The following RHOBTB1 variants were observed in gnomAD, a reference collection of about 807,000 sequenced individuals.
RHOBTB1 encodes rho-related BTB domain-containing protein 1.
Under a neutral mutation model 71.6 loss-of-function variants are expected in RHOBTB1, and 40 were observed. That is an observed-to-expected ratio of 0.56 (90% CI 0.43 to 0.73). The LOEUF (loss-of-function observed/expected upper bound fraction) is 0.73. RHOBTB1 is among the 30% of genes least tolerant of loss of function. The pLI, the probability that RHOBTB1 is intolerant of heterozygous loss-of-function variation, is 0.00. For synonymous variants in RHOBTB1, 319 were observed against 334.9 expected (o/e 0.95, Z 0.52); for missense variants, 797 against 894.0 (o/e 0.89, Z 1.38).
In RHOBTB1 at chr10:60,874,977, G is replaced by T. The variant is rs1178347293; in HGVS notation, c.1792C>A (p.Leu598Ile). The T allele has an allele frequency of 1.9e-6, 3 of 1,613,890 alleles. No homozygotes were observed. Among genetic ancestry groups the T allele is most frequent in the Non-Finnish European group, 2.5e-6 (3 of 1,179,750 alleles). ...ACCTGAGCCAATTCCAAGTAAGAGA[G>T]CACTTCTCCGTCAATGCCCACGCCA... ...TSGVGIDGEV[L>I]SYLELAQFHN... The change falls in exon 9 of 11, where the codon CTC becomes ATC. Residue 598 changes from leucine (L) to isoleucine (I), a missense_variant. This residue lies in a region of RHOBTB1 where 658 missense variants were observed against 681.5 expected (regional missense o/e 0.97). Transcript: ENST00000337910.
intron 2 of RHOBTB1, among the ~76,000 whole-genome samples, chr10:60,959,145 T>C (rs1415750314): frequency 4.6e-5 from 7 of 152,012 alleles, no homozygotes; most frequent in Non-Finnish European, 8.8e-5. Flanking sequence ...AAGCAACTGG[T>C]AAAATGTAAC....
intron 2 of RHOBTB1, among the ~76,000 whole-genome samples, chr10:60,952,086 T>C (rs1261050821): frequency 8.0e-6 from 1 of 125,588 alleles, no homozygotes; most frequent in African/African-American, 3.1e-5. Flanking sequence ...AAAAGAACGG[T>C]ACATGATAAA....
intron 2 of RHOBTB1, among the ~76,000 whole-genome samples, chr10:60,955,043 C>CTT (rs34012455): frequency 1.3e-4 from 15 of 112,838 alleles, no homozygotes; most frequent in African/African-American, 2.3e-4. Flanking sequence ...TTCTTTCTTT[C>CTT]TTTTTTTTTT....
chr10:60,997,792 G>A (rs1234345414), intron 1 of RHOBTB1, among the ~76,000 whole-genome samples: 1 of 152,202 alleles, frequency 6.6e-6, no homozygotes, highest in Non-Finnish European at 1.5e-5. Context: ...TTCTAATGCT[G>A]CTACTCAGGA....
intron 1 of RHOBTB1, among the ~76,000 whole-genome samples, chr10:60,995,363 T>TC (rs1168046725): frequency 6.6e-6 from 1 of 152,048 alleles, no homozygotes; most frequent in Non-Finnish European, 1.5e-5. Context: ...GGAGGAACCA[T>TC]CAGAGATTGG....
intron 4 of RHOBTB1, among the ~76,000 whole-genome samples, chr10:60,896,869 G>C (rs886656872): frequency 6.6e-5 from 10 of 152,152 alleles, no homozygotes; most frequent in African/African-American, 4.8e-5. Context: ...GTTTCATAGA[G>C]GAGTGGGAGT....
intron 2 of RHOBTB1, among the ~76,000 whole-genome samples, chr10:60,977,901 GA>G (rs1486172176): frequency 6.6e-6 from 1 of 152,074 alleles, no homozygotes; most frequent in Non-Finnish European, 1.5e-5. Context: ...TCTGCATGAT[GA>G]AGTTCATGTA....
chr10:60,996,925 G>A (rs778766939), intron 1 of RHOBTB1, among the ~76,000 whole-genome samples: 15 of 152,052 alleles, frequency 9.9e-5, no homozygotes, highest in Non-Finnish European at 1.6e-4. Flanking sequence ...GAGAACAAGG[G>A]ACTTCACTAT....
intron 2 of RHOBTB1, among the ~76,000 whole-genome samples, chr10:60,963,606 C>T (rs537824065): frequency 1.3e-5 from 2 of 152,176 alleles, no homozygotes; most frequent in East Asian, 3.9e-4. Context: ...AACATGAGGT[C>T]ATGTGTTCCA....
chr10:60,888,456 A>G lies in RHOBTB1; in HGVS notation c.1212T>C (p.Ala404=). 6.2e-7 allele frequency: 1 copy of G among 1,614,218 alleles called. No individual in the cohort carries two copies. The highest frequency in any genetic ancestry group is 8.5e-7 in the Non-Finnish European group (1 of 1,180,038). ...TCCGAAAAGGGCCTGGCTGGACTGA[A>G]GCGTCCATCCTGACCACAGTCATGG... ...MGPMTVVRMD[A]SVQPGPFRTL... Residue 404 remains alanine, a synonymous_variant, in exon 6 of 11, where the codon GCT becomes GCC. Coordinates refer to ENST00000337910, the MANE Select transcript of RHOBTB1 (RefSeq NM_014836.5).
chr10:60,968,653 C>T (rs2086053239), intron 2 of RHOBTB1, among the ~76,000 whole-genome samples: 1 of 152,092 alleles, frequency 6.6e-6, no homozygotes, highest in East Asian at 1.9e-4. Context: ...TTTCTCAAAA[C>T]CTACATATAA....
chr10:60,881,882 A>G (rs1463743566), intron 7 of RHOBTB1, among the ~76,000 whole-genome samples: 3 of 152,158 alleles, frequency 2.0e-5, no homozygotes, highest in Non-Finnish European at 4.4e-5. Context: ...GTAATCACCT[A>G]TGACCTGCTA....
Position 60,905,503 on chromosome 10 carries a change from T to TGAGGG in RHOBTB1, c.296+5383_296+5384insCCCTC, listed in dbSNP as rs562435726. Among the ~76,000 whole-genome samples, 374 of 138,284 alleles carry TGAGGG rather than the reference T, an allele frequency of 2.7e-3. 2 individuals are homozygous for TGAGGG. The highest frequency in any genetic ancestry group is 9.7e-3 in the African/African-American group (355 of 36,666). 90.7% of individuals were successfully genotyped at this position (138,284 alleles called of 152,430 possible). On this transcript the variant is annotated intron_variant, in intron 4 of 10. Transcript: ENST00000337910. ...CAAATTAAGGCAAAAAAATCCATGG[T>TGAGGG]GGACAAAGTATCAAAATTTTAAATA... is the stretch of plus-strand genomic sequence containing the variant.
rs553131850 is a variant in RHOBTB1, at chr10:60,982,355, A to G, written c.-62+3490T>C. On this transcript the variant is annotated intron_variant, in intron 2 of 11. Transcript: ENST00000357917. ...TACGGATACCATTTAGGTGATGTGGAGTTCCTTCTCAAATGACAACAGTAA... is the reference window on the plus strand; with the variant it reads ...TACGGATACCATTTAGGTGATGTGGGGTTCCTTCTCAAATGACAACAGTAA... 2.6e-5 allele frequency among the ~76,000 whole-genome samples: 4 copies of G among 152,188 alleles called. No homozygotes were observed. In the East Asian group the frequency reaches 7.7e-4, roughly 29 times the overall value.
Position 60,888,979 on chromosome 10 carries a change from T to C in RHOBTB1, c.689A>G (p.Gln230Arg). 1 of 1,614,168 alleles carries C rather than the reference T, an allele frequency of 6.2e-7. No individual in the cohort carries two copies. Among genetic ancestry groups the C allele is most frequent in the Non-Finnish European group, 8.5e-7 (1 of 1,180,028 alleles). The change falls in exon 6 of 11, where the codon CAG (glutamine) becomes CGG (arginine). Residue 230 changes from glutamine to arginine, a missense_variant. Physicochemically the swap from Gln to Arg is conservative, Grantham distance 43. Coordinates refer to ENST00000337910, the MANE Select transcript of RHOBTB1 (RefSeq NM_014836.5). ...HLKKVQKPLL[Q>R]APFLPPKAPP... Reference sequence around the variant, plus strand: ...GGCTTTTGGAGGTAGGAAGGGTGCCTGAAGTAAAGGTTTCTGGACTTTCTT... The same window carrying C: ...GGCTTTTGGAGGTAGGAAGGGTGCCCGAAGTAAAGGTTTCTGGACTTTCTT...
At chr10:60,932,941 C>T (rs79238095) in intron 2 of RHOBTB1, among the ~76,000 whole-genome samples, 6,928 of 152,274 alleles carry the variant, frequency 0.045, 268 homozygotes, top group African/African-American at 0.099. Context: ...GAAGCAGCAG[C>T]GTGACCACCT....
intron 1 of RHOBTB1, among the ~76,000 whole-genome samples, chr10:60,992,387 T>C (rs2086899150): frequency 6.6e-6 from 1 of 152,148 alleles, no homozygotes; most frequent in African/African-American, 2.4e-5. Context: ...ATATATTGAA[T>C]AAGAGTCATT....
intron 7 of RHOBTB1, among the ~76,000 whole-genome samples, chr10:60,879,178 A>C (rs963847743): frequency 6.6e-6 from 1 of 152,180 alleles, no homozygotes; most frequent in African/African-American, 2.4e-5. Context: ...AAACCCAGGG[A>C]GTATGATGCG....
chr10:60,866,184 A>G (rs2080634829), downstream of RHOBTB1, among the ~76,000 whole-genome samples: 1 of 152,196 alleles, frequency 6.6e-6, no homozygotes, highest in Admixed American at 6.5e-5. Context: ...GGCTCACTGT[A>G]GCGCCAAGGA....
Sources: allele counts gnomAD v4.1 joint callset (sites outside exome capture counted in the v4.1 genomes callset), GRCh38; gene constraint gnomAD v4.1.1; regional missense constraint gnomAD v4.1.1; transcripts MANE v1.5; gene names NCBI Gene and HGNC (gene_info 2026-07-23, HGNC 2026-07-21).